CDH17: variants seen among roughly 807,000 people sequenced by gnomAD.
CDH17 encodes the protein cadherin 17.
CDH17 carries 67 observed loss-of-function variants against 86.3 expected under a neutral mutation model. The observed-to-expected ratio is 0.78, with a 90% CI of 0.64 to 0.95. The LOEUF is 0.95. Among genes scored for constraint, CDH17 ranks in the 40% least tolerant of loss-of-function variants. CDH17 has a pLI of 0.00. For synonymous variants in CDH17, 367 were observed against 366.4 expected (o/e 1.00, Z -0.02); for missense variants, 993 against 1,017.6 (o/e 0.98, Z 0.33).
intron 1 of CDH17, among the ~76,000 whole-genome samples, chr8:94,199,510 T>C (rs1244446329): frequency 6.6e-6 from 1 of 151,772 alleles, no homozygotes; most frequent in Admixed American, 6.6e-5. Flanking sequence ...ACAAGTTAAA[T>C]GATAGAAAAG....
chr8:94,166,606 C>T (rs1813162902), intron 9 of CDH17, among the ~76,000 whole-genome samples: 1 of 152,184 alleles, frequency 6.6e-6, no homozygotes, highest in Non-Finnish European at 1.5e-5. Flanking sequence ...CCTCCCAAAA[C>T]TTCATGTCTA....
chr8:94,202,992 C>A (rs924206433), intron 1 of CDH17: 2 of 282,482 alleles, frequency 7.1e-6, no homozygotes, highest in South Asian at 6.9e-5. Context: ...ACTGGCAAAG[C>A]CTTGTTAGCT....
At chr8:94,143,914 T>C (rs1350161472) in intron 15 of CDH17, among the ~76,000 whole-genome samples, 5 of 152,222 alleles carry the variant, frequency 3.3e-5, no homozygotes, top group African/African-American at 1.2e-4. Flanking sequence ...ATTTTGCTTT[T>C]TTATTATTTG....
chr8:94,162,328 C>G (rs1813070145), intron 10 of CDH17, among the ~76,000 whole-genome samples, 166 bp from the exon 11 acceptor site: 1 of 152,126 alleles, frequency 6.6e-6, no homozygotes. Flanking sequence ...CCACCTGTAC[C>G]CAAGTGGTCA....
At chr8:94,155,122 C>A (rs1812922139) in intron 12 of CDH17, among the ~76,000 whole-genome samples, 1 of 151,950 alleles carries the variant, frequency 6.6e-6, no homozygotes, top group African/African-American at 2.4e-5. Context: ...ATCATGTAAG[C>A]CAGCTAAGTG....
chr8:94,203,027 G>A (rs150217061), intron 1 of CDH17: 360 of 221,636 alleles, frequency 1.6e-3, no homozygotes, highest in African/African-American at 6.6e-3. Context: ...CTTAGTATCC[G>A]GCTTCTCAAC....
At chr8:94,207,393 A>T (rs1250313257) in intron 1 of CDH17, among the ~76,000 whole-genome samples, 1 of 152,146 alleles carries the variant, frequency 6.6e-6, no homozygotes, top group Non-Finnish European at 1.5e-5. Context: ...TACTTCTCAC[A>T]ACTACCTAGT....
chr8:94,137,453 G>A (rs554078189), intron 15 of CDH17, among the ~76,000 whole-genome samples: 9 of 152,276 alleles, frequency 5.9e-5, no homozygotes, highest in South Asian at 4.1e-4. Context: ...AGCCAGGCAC[G>A]GGAGAGAATC....
Position 94,174,368 on chromosome 8 carries a change from G to T in CDH17, c.425-108C>A. ...AAAAAGTGGAGATATAATAGGGAAAGGTATGACAATTCACACCAGTGGGGA... is the reference window on the plus strand; with the variant it reads ...AAAAAGTGGAGATATAATAGGGAAATGTATGACAATTCACACCAGTGGGGA... On this transcript the variant is annotated intron_variant, in intron 5 of 17. Coordinates refer to ENST00000027335, the MANE Select transcript of CDH17 (RefSeq NM_004063.4). The T allele has an allele frequency of 4.6e-6, 5 of 1,092,632 alleles. No individual in the cohort carries two copies. The South Asian group carries it at 6.6e-5, about 14-fold the overall frequency. 67.7% of individuals were successfully genotyped at this position (1,092,632 alleles called of 1,614,324 possible).
At chr8:94,195,200 A>G (rs1813759456) in intron 1 of CDH17, among the ~76,000 whole-genome samples, 1 of 152,110 alleles carries the variant, frequency 6.6e-6, no homozygotes, top group Admixed American at 6.5e-5. Flanking sequence ...ACAGGATTTC[A>G]CCATGGTGAC....
At chr8:94,213,529 A>T (rs144162390), upstream of CDH17, among the ~76,000 whole-genome samples, 557 of 152,242 alleles carry the variant, frequency 3.7e-3, 5 homozygotes, top group African/African-American at 0.013. Context: ...TTTCTCAGAC[A>T]GCTAAGCTTT....
At chr8:94,196,210 G>A (rs951700298) in intron 1 of CDH17, among the ~76,000 whole-genome samples, 5 of 152,022 alleles carry the variant, frequency 3.3e-5, no homozygotes, top group African/African-American at 1.2e-4. Context: ...TCACCAGCAT[G>A]GAAAAAATTT....
At chr8:94,141,271 G>A (rs1405171063) in intron 15 of CDH17, among the ~76,000 whole-genome samples, 5 of 148,558 alleles carry the variant, frequency 3.4e-5, no homozygotes, top group Admixed American at 6.7e-5. Context: ...TCCAATTTAG[G>A]AAAAAAAAAA....
At chr8:94,204,816 G>C (rs921795138) in intron 1 of CDH17, among the ~76,000 whole-genome samples, 1 of 152,142 alleles carries the variant, frequency 6.6e-6, no homozygotes, top group Non-Finnish European at 1.5e-5. Context: ...GGGGAGAAGA[G>C]GCCTCTCCTC....
chr8:94,180,078 G>A (rs1813449690), intron 3 of CDH17, among the ~76,000 whole-genome samples: 1 of 151,956 alleles, frequency 6.6e-6, no homozygotes. Flanking sequence ...TGCCTCATCA[G>A]ATATAGAATA....
chr8:94,136,660 T>C (rs1477113068), intron 15 of CDH17, among the ~76,000 whole-genome samples: 1 of 152,214 alleles, frequency 6.6e-6, no homozygotes, highest in South Asian at 2.1e-4. Flanking sequence ...TCAAAGTCAT[T>C]CTCCATCCAG....
chr8:94,160,928 A>G (rs141324078), intron 11 of CDH17, among the ~76,000 whole-genome samples: 1 of 152,190 alleles, frequency 6.6e-6, no homozygotes, highest in East Asian at 1.9e-4. Flanking sequence ...TGTTTGTGCA[A>G]CTCCAAAGCC....
At chr8:94,176,750 A>T in intron 4 of CDH17, 71 bp from the exon 5 acceptor site, 1 of 1,479,132 alleles carries the variant, frequency 6.8e-7, no homozygotes, top group East Asian at 2.3e-5. Context: ...AATCACTTGA[A>T]GGAAATTAGA....
intron 15 of CDH17, among the ~76,000 whole-genome samples, chr8:94,137,527 TTTCCAGG>T (rs1812554856): frequency 1.3e-5 from 2 of 152,162 alleles, no homozygotes; most frequent in Admixed American, 1.3e-4. Flanking sequence ...GTGTCCTGTT[TTTCCAGG>T]TACAGTCTGT....
Sources: allele counts gnomAD v4.1 joint callset (sites outside exome capture counted in the v4.1 genomes callset), GRCh38; gene constraint gnomAD v4.1.1; transcripts MANE v1.5; gene names NCBI Gene and HGNC (gene_info 2026-07-23, HGNC 2026-07-21).